Variants in ZMYND8 observed in about 807,000 individuals in gnomAD.
ZMYND8 encodes MYND-type zinc finger-containing chromatin reader ZMYND8.
Under a neutral mutation model 140.8 loss-of-function variants are expected in ZMYND8, and 37 were observed. The ratio of observed to expected loss-of-function variants is 0.26; its 90% confidence interval spans 0.20 to 0.35. The LOEUF (loss-of-function observed/expected upper bound fraction) is 0.35, where lower values mean the gene tolerates loss of function less well. Ranked by LOEUF, ZMYND8 falls within the 10% of genes least tolerant of loss-of-function variation. ZMYND8 has a pLI of 1.00. For missense variants in ZMYND8, 1,068 were observed against 1,570.0 expected (o/e 0.68, Z 5.40); for synonymous variants, 592 against 597.1 (o/e 0.99, Z 0.12).
chr20:47,276,847 G>A (rs2076283178), intron 10 of ZMYND8, 52 bp from the exon 11 acceptor site: 2 of 1,455,866 alleles, frequency 1.4e-6, no homozygotes, highest in African/African-American at 2.9e-5. Flanking sequence ...TAATTTCCAA[G>A]ATTGCTTTTT....
chr20:47,236,459 G>A lies in ZMYND8; in HGVS notation c.2723C>T (p.Thr908Ile). The change falls in exon 16 of 23, where the codon ACC (threonine) becomes ATC (isoleucine). Residue 908 changes from threonine to isoleucine, a missense_variant. Physicochemically the swap from Thr to Ile is moderately conservative, Grantham distance 89. This residue lies in a region of ZMYND8 where 383 missense variants were observed against 431.2 expected (regional missense o/e 0.89). Transcript: ENST00000471951. Reference sequence around the variant, plus strand: ...GACCAGGGGCGATGACTGTGTGCTGGTCACCAGGGTGATGGTGGACGTGGA... The same window carrying A: ...GACCAGGGGCGATGACTGTGTGCTGATCACCAGGGTGATGGTGGACGTGGA... ...SPSTSTITLV[T>I]STQSSPLVTS... is the part of the protein sequence containing the mutation. 1.9e-6 allele frequency: 3 copies of A among 1,612,008 alleles called. No individual in the cohort carries two copies. The highest frequency in any genetic ancestry group is 2.5e-6 in the Non-Finnish European group (3 of 1,178,874).
chr20:47,271,929 C>T (rs557383593), intron 11 of ZMYND8, among the ~76,000 whole-genome samples: 1 of 151,396 alleles, frequency 6.6e-6, no homozygotes, highest in East Asian at 2.0e-4. Flanking sequence ...GTGATCCGCC[C>T]ACCTCGGCCT....
At chr20:47,351,752 G>C (rs559602468) in intron 1 of ZMYND8, 3 of 985,406 alleles carry the variant, frequency 3.0e-6, no homozygotes, top group East Asian at 2.3e-4. Context: ...ATTTATGCAG[G>C]ATTCTTAAAA....
In ZMYND8 at chr20:47,283,550, A is replaced by T. The variant is rs755463251; in HGVS notation, c.882+21T>A. 2.3e-5 allele frequency: 37 copies of T among 1,613,864 alleles called. No individual in the cohort carries two copies. In the African/African-American group the frequency reaches 4.0e-4, roughly 17 times the overall value. On this transcript the variant is annotated intron_variant, in intron 9 of 22. Transcript: ENST00000471951. ...GGCACAGGGTTCAGTAAATGAAATA[A>T]GCAAAGTAAATCCAACTTACACAAG...
intron 3 of ZMYND8, among the ~76,000 whole-genome samples, chr20:47,302,589 C>T (rs997304358): frequency 1.3e-5 from 2 of 151,928 alleles, no homozygotes; most frequent in Non-Finnish European, 2.9e-5. Flanking sequence ...AATACTCAAC[C>T]CATACTAGTC....
chr20:47,242,397 C>T (rs1289868061), intron 14 of ZMYND8, among the ~76,000 whole-genome samples: 2 of 152,152 alleles, frequency 1.3e-5, no homozygotes, highest in Admixed American at 6.5e-5. Flanking sequence ...GCTTCCAGGG[C>T]CACCTGCCAG....
chr20:47,289,012 G>C (rs1382102128), intron 7 of ZMYND8, among the ~76,000 whole-genome samples: 1 of 152,142 alleles, frequency 6.6e-6, no homozygotes. Context: ...TGAGGAACGA[G>C]AATCGCTTCA....
At chr20:47,223,193 A>G (rs1568904864) in intron 19 of ZMYND8, among the ~76,000 whole-genome samples, 1 of 152,246 alleles carries the variant, frequency 6.6e-6, no homozygotes, top group Non-Finnish European at 1.5e-5. Context: ...ATTTGCCACA[A>G]ATAAAAGCTA....
intron 12 of ZMYND8, among the ~76,000 whole-genome samples, chr20:47,257,109 C>T (rs568740769): frequency 6.6e-6 from 1 of 152,214 alleles, no homozygotes; most frequent in South Asian, 2.1e-4. Context: ...ATACAGGGGG[C>T]TCGTAATAAT....
chr20:47,216,512 A>G (rs889252677), intron 21 of ZMYND8, among the ~76,000 whole-genome samples: 1 of 143,454 alleles, frequency 7.0e-6, no homozygotes. Flanking sequence ...AAAAAAAAAA[A>G]AAAAAAGGGC....
rs556346053 is a variant in ZMYND8, at chr20:47,356,696, T to C, written c.-26A>G. On this transcript the variant is annotated 5_prime_UTR_variant, in exon 1 of 23. Transcript: ENST00000471951. ...TGTTAACACTGTGTAATGTCAATAC[T>C]TATAAAACATGGAGGACAGGCTCCT... 1 of 1,614,192 alleles carries C rather than the reference T, an allele frequency of 6.2e-7. No individual in the cohort carries two copies. Among genetic ancestry groups the C allele is most frequent in the East Asian group, 2.2e-5 (1 of 44,890 alleles).
intron 8 of ZMYND8, chr20:47,285,739 C>CA: frequency 1.0e-6 from 1 of 985,028 alleles, no homozygotes; most frequent in Non-Finnish European, 1.2e-6. Context: ...TATTTAATGA[C>CA]AAGAGGAGTA....
intron 1 of ZMYND8, among the ~76,000 whole-genome samples, chr20:47,350,328 G>GA (rs3084684): frequency 0.018 from 1,703 of 93,150 alleles, 20 homozygotes; most frequent in Middle Eastern, 0.051. Flanking sequence ...ATTAAAAGGA[G>GA]AAAAAAAAAA....
At position 47,276,810 on chromosome 20, in the gene ZMYND8, G is replaced by C. The variant is rs1325065188; in HGVS notation, c.999-15C>G. 2 of 1,562,684 alleles carry C rather than the reference G, an allele frequency of 1.3e-6. No individual in the cohort carries two copies. Among genetic ancestry groups the C allele is most frequent in the Non-Finnish European group, 1.7e-6 (2 of 1,157,978 alleles). On this transcript the variant is annotated splice_polypyrimidine_tract_variant and intron_variant, in intron 10 of 22. Coordinates refer to ENST00000471951, the MANE Select transcript of ZMYND8 (RefSeq NM_001281775.3). ...GAACCCAGGCCCTAGAAGGGCAAAA[G>C]ATAAAGAGAGTTTAAGTCAACTTCA...
chr20:47,348,161 C>T, intron 1 of ZMYND8: 1 of 540,970 alleles, frequency 1.8e-6, no homozygotes, highest in South Asian at 2.0e-5. Context: ...TTCCAGTTGT[C>T]ATGCTATTGG....
At chr20:47,327,167 C>T (rs111531122) in intron 2 of ZMYND8, among the ~76,000 whole-genome samples, 124 of 152,124 alleles carry the variant, frequency 8.2e-4, no homozygotes, top group African/African-American at 2.9e-3. Context: ...CAGGCATGCA[C>T]CACCACGCCT....
chr20:47,304,739 T>C (rs1039764737), intron 3 of ZMYND8, among the ~76,000 whole-genome samples: 1 of 152,182 alleles, frequency 6.6e-6, no homozygotes, highest in Non-Finnish European at 1.5e-5. Flanking sequence ...AGTGTGAGGA[T>C]GCACTGGCAT....
chr20:47,339,018 G>C (rs2081610844), intron 2 of ZMYND8, among the ~76,000 whole-genome samples: 1 of 150,608 alleles, frequency 6.6e-6, no homozygotes, highest in Non-Finnish European at 1.5e-5. Flanking sequence ...TGTCACCCAG[G>C]CTGGAGTGCA....
chr20:47,265,068 A>ATATATG (rs1555948705), intron 11 of ZMYND8, among the ~76,000 whole-genome samples: 7 of 144,592 alleles, frequency 4.8e-5, no homozygotes, highest in East Asian at 4.0e-4. Flanking sequence ...ATATATATAT[A>ATATATG]GGCATTTTAA....
Sources: gnomAD v4.1 joint callset for allele counts (sites outside exome capture counted in the v4.1 genomes callset) on GRCh38, gnomAD v4.1.1 for gene constraint, gnomAD v4.1.1 regional missense constraint, MANE v1.5 for transcripts, NCBI Gene and HGNC (gene_info 2026-07-23, HGNC 2026-07-21) for gene names.